USP3: variants seen among roughly 807,000 people sequenced by gnomAD.
USP3 encodes the protein ubiquitin carboxyl-terminal hydrolase 3.
Under a neutral mutation model 72.3 loss-of-function variants are expected in USP3, and 20 were observed. That is an observed-to-expected ratio of 0.28 (90% confidence interval 0.19 to 0.40). USP3 has a LOEUF of 0.40. Among genes scored for constraint, USP3 ranks in the 10% least tolerant of loss-of-function variants. USP3 has a pLI of 1.00. For synonymous variants in USP3, 222 were observed against 225.3 expected, an observed-to-expected ratio of 0.99 and a Z score of 0.13; for missense variants, 479 against 633.9, an observed-to-expected ratio of 0.76 and a Z score of 2.62.
At chr15:63,562,323 C>G (rs1239554798) in intron 7 of USP3, among the ~76,000 whole-genome samples, 1 of 152,150 alleles carries the variant, frequency 6.6e-6, no homozygotes, top group Non-Finnish European at 1.5e-5. Context: ...GATGCTGGAG[C>G]CGGTCAGTGC....
At chr15:63,510,186 A>G (rs1379016485) in intron 1 of USP3, among the ~76,000 whole-genome samples, 1 of 152,174 alleles carries the variant, frequency 6.6e-6, no homozygotes, top group African/African-American at 2.4e-5. Flanking sequence ...TTATGTTTTT[A>G]TAGTGTTTGC....
At chr15:63,579,086 CTATT>C (rs1388056519) in intron 11 of USP3, among the ~76,000 whole-genome samples, 1 of 152,096 alleles carries the variant, frequency 6.6e-6, no homozygotes, top group Non-Finnish European at 1.5e-5. Flanking sequence ...GCAAAATAAT[CTATT>C]CACAGTAGCA....
At chr15:63,567,416 G>A (rs1022790416) in intron 8 of USP3, among the ~76,000 whole-genome samples, 25 of 147,710 alleles carry the variant, frequency 1.7e-4, no homozygotes, top group Non-Finnish European at 1.0e-4. Context: ...GCACGATCTC[G>A]GCTCACTGCA....
At chr15:63,515,213 A>G (rs2065835847) in intron 1 of USP3, among the ~76,000 whole-genome samples, 1 of 152,216 alleles carries the variant, frequency 6.6e-6, no homozygotes, top group South Asian at 2.1e-4. Flanking sequence ...GAGTGGCATA[A>G]TAGCTTCATT....
chr15:63,509,283 T>A (rs181987896), intron 1 of USP3, among the ~76,000 whole-genome samples: 1 of 152,334 alleles, frequency 6.6e-6, no homozygotes, highest in East Asian at 1.9e-4. Context: ...TAATACTTAA[T>A]AGAGCAATTA....
At chr15:63,577,651 C>T (rs1451307479) in intron 11 of USP3, among the ~76,000 whole-genome samples, 1 of 152,152 alleles carries the variant, frequency 6.6e-6, no homozygotes, top group Non-Finnish European at 1.5e-5. Flanking sequence ...ATTTGGGAGG[C>T]TGACCCAGGA....
Position 63,574,024 on chromosome 15 carries a change from C to T in USP3, c.909-22C>T, listed in dbSNP as rs1566913680. 6.6e-7 allele frequency: 1 copy of T among 1,506,252 alleles called. No individual in the cohort carries two copies. Among genetic ancestry groups the T allele is most frequent in the Admixed American group, 1.9e-5 (1 of 52,554 alleles). 93.3% of individuals were successfully genotyped at this position (1,506,252 alleles called of 1,614,324 possible). On this transcript the variant is annotated intron_variant, in intron 9 of 14. Coordinates refer to ENST00000380324, the MANE Select transcript of USP3 (RefSeq NM_006537.4). The surrounding 1 kb of genome is among the most constrained non-coding windows in gnomAD (Gnocchi z 4.6). ...AGATGGCTTCTTACTGAGATATTTT[C>T]CTGTGTGGTGATTTTGTTTAGAAAT...
intron 3 of USP3, among the ~76,000 whole-genome samples, chr15:63,549,070 AT>A (rs898098347): frequency 3.3e-5 from 5 of 152,032 alleles, no homozygotes; most frequent in East Asian, 3.8e-4. Context: ...TTGATTGTAC[AT>A]TTTTTTAACC....
chr15:63,516,033 G>C (rs2065846642), intron 1 of USP3, among the ~76,000 whole-genome samples: 3 of 152,132 alleles, frequency 2.0e-5, no homozygotes, highest in Admixed American at 6.5e-5. Flanking sequence ...TTGCCCTTCA[G>C]TCTCTCCATT....
chr15:63,541,101 A>G (rs933714345), intron 3 of USP3, among the ~76,000 whole-genome samples: 8 of 152,162 alleles, frequency 5.3e-5, no homozygotes, highest in African/African-American at 1.9e-4. Context: ...AGTCTTGTCA[A>G]CTTCGATATC....
At chr15:63,587,719 A>T (rs549342822) in intron 11 of USP3, 2 of 152,290 alleles carry the variant, frequency 1.3e-5, no homozygotes, top group African/African-American at 4.8e-5. Context: ...CTCTGTTCCA[A>T]TGAAACTTTA....
In USP3 at chr15:63,589,796, G is replaced by T. The variant is rs2067151757; in HGVS notation, c.1397+785G>T. On this transcript the variant is annotated intron_variant, in intron 14 of 14. Transcript: ENST00000380324. ...TTAAATACTCTAATGATTTCTGTCT[G>T]TGTTTCTAAAGACTGCCATGGCCTA... 2.0e-5 allele frequency among the ~76,000 whole-genome samples: 3 copies of T among 148,502 alleles called. No individual in the cohort carries two copies. In the South Asian group the frequency reaches 6.2e-4, roughly 31 times the overall value.
At chr15:63,560,045 C>T (rs376124692) in intron 7 of USP3, 75 bp downstream of exon 7, 4 of 1,239,994 alleles carry the variant, frequency 3.2e-6, no homozygotes, top group African/African-American at 1.5e-5. Context: ...TTCCATTGTA[C>T]TAAGTGAGCT....
intron 11 of USP3, among the ~76,000 whole-genome samples, chr15:63,584,804 C>A (rs1393501574): frequency 6.6e-6 from 1 of 152,058 alleles, no homozygotes; most frequent in Non-Finnish European, 1.5e-5. Context: ...GTTGCCTGTG[C>A]TTTGGGTGTC....
intron 9 of USP3, among the ~76,000 whole-genome samples, chr15:63,572,490 A>T (rs1330834013): frequency 6.6e-6 from 1 of 151,446 alleles, no homozygotes; most frequent in African/African-American, 2.4e-5. Flanking sequence ...GCCATCTTTT[A>T]AAAAAAAATT....
chr15:63,528,990 A>G lies in USP3; in HGVS notation c.92-3657A>G. 7.8e-7 allele frequency: 1 copy of G among 1,287,882 alleles called. No individual in the cohort carries two copies. Among genetic ancestry groups the G allele is most frequent in the Non-Finnish European group, 1.0e-6 (1 of 987,782 alleles). 79.8% of individuals were successfully genotyped at this position (1,287,882 alleles called of 1,614,324 possible). ...TATTGGCTTCAGAATCCCTCATAAT[A>G]CCCTATCCTCTGTATCTTTCTAGCC... On this transcript the variant is annotated intron_variant, in intron 1 of 14. Coordinates refer to ENST00000380324, the MANE Select transcript of USP3 (RefSeq NM_006537.4). This position sits in a 1 kb window ranked among gnomAD's most constrained non-coding sequence, Gnocchi z 4.3.
intron 1 of USP3, among the ~76,000 whole-genome samples, chr15:63,511,266 T>TAAAA (rs61283920): frequency 0.029 from 1,255 of 42,872 alleles, 96 homozygotes; most frequent in African/African-American, 0.074. Context: ...TGCTTTTTCT[T>TAAAA]AAAAAAAAAA....
intron 3 of USP3, among the ~76,000 whole-genome samples, chr15:63,545,981 A>AAC (rs1219267732): frequency 1.4e-5 from 2 of 141,258 alleles, no homozygotes; most frequent in Admixed American, 7.1e-5. Flanking sequence ...AAAAAAAAAA[A>AAC]AAAAAAAAAA....
intron 1 of USP3, among the ~76,000 whole-genome samples, chr15:63,507,168 A>G (rs1307132968): frequency 6.6e-6 from 1 of 152,010 alleles, no homozygotes; most frequent in Non-Finnish European, 1.5e-5. Context: ...CTGGGTATTG[A>G]ATCTGATTAT....
Sources: gnomAD v4.1 joint callset for allele counts (sites outside exome capture counted in the v4.1 genomes callset) on GRCh38, gnomAD v4.1.1 for gene constraint, Gnocchi (gnomAD v3.1) non-coding constraint, MANE v1.5 for transcripts, NCBI Gene and HGNC (gene_info 2026-07-23, HGNC 2026-07-21) for gene names.